ARID1A: variants seen among roughly 807,000 people sequenced by gnomAD.
ARID1A encodes AT-rich interaction domain 1A.
ARID1A carries 20 observed loss-of-function variants against 212.6 expected under a neutral mutation model. The ratio of observed to expected loss-of-function variants is 0.09; its 90% CI spans 0.07 to 0.14. The LOEUF is 0.14. Among genes scored for constraint, ARID1A ranks in the 10% least tolerant of loss-of-function variants. The pLI, the probability that ARID1A is intolerant of heterozygous loss-of-function variation, is 1.00. For synonymous variants in ARID1A, 1,376 were observed against 1,222.1 expected (o/e 1.13, Z -2.63); for missense variants, 2,587 against 3,059.0 (o/e 0.85, Z 3.64).
chr1:26,774,973 T>G lies in ARID1A; in HGVS notation c.4746T>G (p.Ile1582Met). Reference protein sequence around the residue: ...YQPPPSMQNHIPQVSSPAPLP... With the variant: ...YQPPPSMQNHMPQVSSPAPLP... Reference sequence around the variant, plus strand: ...CCCCACCAAGCATGCAGAATCACATTCCTCAGGTATCCAGCCCTGCTCCCC... The same window carrying G: ...CCCCACCAAGCATGCAGAATCACATGCCTCAGGTATCCAGCCCTGCTCCCC... The change falls in exon 18 of 20, where the codon ATT becomes ATG. Residue 1582 changes from isoleucine (I) to methionine (M), a missense_variant. Coordinates refer to ENST00000324856, the MANE Select transcript of ARID1A (RefSeq NM_006015.6). This position sits in a 1 kb window ranked among gnomAD's most constrained non-coding sequence, Gnocchi z 5.6. 6.7e-7 allele frequency: 1 copy of G among 1,501,558 alleles called. No individual in the cohort carries two copies. Among genetic ancestry groups the G allele is most frequent in the Non-Finnish European group, 8.9e-7 (1 of 1,122,470 alleles). The allele number at this position is 1,501,558 out of a possible 1,614,324, so 93.0% of individuals were successfully genotyped here.
chr1:26,753,240 A>T (rs2080900023), intron 4 of ARID1A: 1 of 152,128 alleles, frequency 6.6e-6, no homozygotes, highest in East Asian at 1.9e-4. Flanking sequence ...CCACAAAATA[A>T]GGTATGGACT....
Position 26,771,645 on chromosome 1 carries a change from G to A in ARID1A, c.3406+319G>A. On this transcript the variant is annotated intron_variant, in intron 12 of 19. Transcript: ENST00000324856. This position sits in a 1 kb window ranked among gnomAD's most constrained non-coding sequence, Gnocchi z 5.4. ...AAATGGCAGCAAGGCAGGGCCATCTGGGAGCTTTGGCCTATTGATGTCAGC... is the reference window on the plus strand; with the variant it reads ...AAATGGCAGCAAGGCAGGGCCATCTAGGAGCTTTGGCCTATTGATGTCAGC... The A allele has an allele frequency of 2.6e-6, 1 of 387,016 alleles. No homozygotes were observed. Among genetic ancestry groups the A allele is most frequent in the Non-Finnish European group, 4.8e-6 (1 of 208,186 alleles). 24.0% of individuals were successfully genotyped at this position (387,016 alleles called of 1,614,324 possible).
At chr1:26,732,508 A>G (rs907898834) in intron 3 of ARID1A, among the ~76,000 whole-genome samples, 168 bp from the exon 4 acceptor site, 1 of 152,204 alleles carries the variant, frequency 6.6e-6, no homozygotes, top group Non-Finnish European at 1.5e-5. Flanking sequence ...CACTGTTGAC[A>G]TTCTTACCAG....
At chr1:26,765,270 A>C (rs941778404) in intron 8 of ARID1A, 1 of 151,222 alleles carries the variant, frequency 6.6e-6, no homozygotes, top group African/African-American at 2.4e-5. Context: ...GCGGATAACG[A>C]GGTCAGGACA....
intron 4 of ARID1A, among the ~76,000 whole-genome samples, chr1:26,751,426 A>G (rs983780341): frequency 5.9e-5 from 9 of 152,136 alleles, no homozygotes; most frequent in South Asian, 2.1e-4. Flanking sequence ...CCTTACCTCT[A>G]TTGGAGCATG....
intron 1 of ARID1A, among the ~76,000 whole-genome samples, chr1:26,700,132 C>G (rs1028951117): frequency 3.9e-5 from 6 of 152,162 alleles, no homozygotes; most frequent in African/African-American, 1.4e-4. Flanking sequence ...CTTCTGTGGA[C>G]TGCTTCAGGT....
chr1:26,726,308 G>A (rs1034333912), intron 1 of ARID1A, among the ~76,000 whole-genome samples: 1 of 151,906 alleles, frequency 6.6e-6, no homozygotes, highest in Non-Finnish European at 1.5e-5. Flanking sequence ...GAGTAGCTGG[G>A]ACTTATAGGC....
At chr1:26,735,691 G>A (rs554800386) in intron 4 of ARID1A, among the ~76,000 whole-genome samples, 1 of 152,302 alleles carries the variant, frequency 6.6e-6, no homozygotes, top group African/African-American at 2.4e-5. Context: ...GGTCTGGAGT[G>A]GGGCCCAAGA....
intron 19 of ARID1A, among the ~76,000 whole-genome samples, chr1:26,776,899 T>C (rs2124130874): frequency 6.6e-6 from 1 of 152,346 alleles, no homozygotes; most frequent in Non-Finnish European, 1.5e-5. Flanking sequence ...AGAATCTATC[T>C]GATTCCTAAG....
At chr1:26,763,423 T>A in intron 8 of ARID1A, 138 bp downstream of exon 8, 1 of 1,048,242 alleles carries the variant, frequency 9.5e-7, no homozygotes, top group Non-Finnish European at 1.3e-6. Context: ...CTTACATACC[T>A]TAGATGGGTC....
intron 1 of ARID1A, among the ~76,000 whole-genome samples, chr1:26,699,106 C>A (rs1033055292): frequency 6.6e-6 from 1 of 152,130 alleles, no homozygotes; most frequent in Admixed American, 6.5e-5. Flanking sequence ...GTTTTGTCAT[C>A]AGTCATTTTA....
At chr1:26,744,804 C>G (rs1404160125) in intron 4 of ARID1A, among the ~76,000 whole-genome samples, 1 of 152,094 alleles carries the variant, frequency 6.6e-6, no homozygotes, top group Non-Finnish European at 1.5e-5. Context: ...TGACTCAACC[C>G]TCCATCCTGT....
chr1:26,772,335 G>A (rs921597798), intron 12 of ARID1A, 165 bp from the exon 13 acceptor site: 68 of 987,844 alleles, frequency 6.9e-5, no homozygotes, highest in East Asian at 3.1e-4. Context: ...TCAGATTCCC[G>A]TCTTTATGAC....
intron 1 of ARID1A, among the ~76,000 whole-genome samples, chr1:26,713,865 T>C (rs548256202): frequency 1.3e-5 from 2 of 152,370 alleles, no homozygotes; most frequent in South Asian, 4.1e-4. Context: ...CTTTACAGTT[T>C]GTGATTTCAA....
At chr1:26,697,581 C>T (rs1488106885) in intron 1 of ARID1A, 41 bp downstream of exon 1, 4 of 1,283,854 alleles carry the variant, frequency 3.1e-6, no homozygotes, top group East Asian at 3.1e-5. Context: ...CGAGCGTGGT[C>T]CTGGGGGTGG....
chr1:26,722,153 C>A (rs1388760483), intron 1 of ARID1A, among the ~76,000 whole-genome samples: 1 of 152,152 alleles, frequency 6.6e-6, no homozygotes, highest in Non-Finnish European at 1.5e-5. Flanking sequence ...TTGGAATGGG[C>A]TAAGTCTGCA....
At chr1:26,773,996 A>T (rs1210884087) in intron 17 of ARID1A, 98 bp downstream of exon 17, 11 of 1,463,630 alleles carry the variant, frequency 7.5e-6, no homozygotes, top group Non-Finnish European at 5.6e-6. Context: ...AGCTCACTTT[A>T]GATATTTTGG....
At chr1:26,704,600 A>G (rs575700084) in intron 1 of ARID1A, among the ~76,000 whole-genome samples, 3 of 152,254 alleles carry the variant, frequency 2.0e-5, no homozygotes, top group Admixed American at 1.3e-4. Flanking sequence ...GCTCACACCT[A>G]TAATCCCAGC....
At chr1:26,707,938 T>C (rs879516887) in intron 1 of ARID1A, among the ~76,000 whole-genome samples, 1 of 152,148 alleles carries the variant, frequency 6.6e-6, no homozygotes, top group Admixed American at 6.5e-5. Flanking sequence ...TTCTCCAAAA[T>C]AAATTACTCA....
Sources: allele counts gnomAD v4.1 joint callset (sites outside exome capture counted in the v4.1 genomes callset), GRCh38; gene constraint gnomAD v4.1.1; non-coding constraint Gnocchi (gnomAD v3.1); transcripts MANE v1.5; gene names NCBI Gene and HGNC (gene_info 2026-07-23, HGNC 2026-07-21).